The following NFKBIA variants were observed in gnomAD, a reference collection of about 807,000 sequenced individuals.
The protein encoded by NFKBIA is NFKB inhibitor alpha.
A neutral mutation model predicts 36.3 loss-of-function variants in NFKBIA; 10 were observed. The ratio of observed to expected loss-of-function variants is 0.28; its 90% confidence interval spans 0.17 to 0.47. NFKBIA has a LOEUF of 0.47. Among genes scored for constraint, NFKBIA ranks in the 20% least tolerant of loss-of-function variants. The probability of loss-of-function intolerance (pLI) is 0.99; values close to 1 mark genes in which losing one functional copy is unlikely to be tolerated. For missense variants in NFKBIA, 355 were observed against 399.3 expected, an observed-to-expected ratio of 0.89 and a Z score of 0.94; for synonymous variants, 205 against 164.4, an observed-to-expected ratio of 1.25 and a Z score of -1.89.
chr14:35,402,729 C>G (rs1489917705), intron 4 of NFKBIA, 42 bp downstream of exon 4: 4 of 1,613,810 alleles, frequency 2.5e-6, no homozygotes, highest in African/African-American at 1.3e-5. Context: ...AACATAAGCA[C>G]GAGGAGCCTG....
rs2138830594 is a variant in NFKBIA, at chr14:35,402,525, C to T, written c.775G>A (p.Gly259Ser). Residue 259 changes from glycine to serine, a missense_variant, in exon 5 of 6, where the codon GGC becomes AGC. Coordinates refer to ENST00000216797, the MANE Select transcript of NFKBIA (RefSeq NM_020529.3). ...TGCTGTATCCGGGTGCTTGGGCGGC[C>T]CCAGGTGAGCTGGTAGGGAGAATAG... is the stretch of plus-strand genomic sequence containing the variant. ...QGYSPYQLTWGRPSTRIQQQL... is the reference protein window; with the variant it reads ...QGYSPYQLTWSRPSTRIQQQL... The T allele has an allele frequency of 1.2e-6, 2 of 1,614,156 alleles. No individual in the cohort carries two copies. The highest frequency in any genetic ancestry group is 1.7e-6 in the Non-Finnish European group (2 of 1,180,044).
chr14:35,403,052 T>C lies in NFKBIA; in HGVS notation c.547+98A>G, dbSNP rs890562658. On this transcript the variant is annotated intron_variant, in intron 3 of 5. Transcript: ENST00000216797. ...TCTCAACCTTCCAAATGTTAGGAGTTTAAGCTCTTGCCTGGACTCCTTAAG... is the reference window on the plus strand; with the variant it reads ...TCTCAACCTTCCAAATGTTAGGAGTCTAAGCTCTTGCCTGGACTCCTTAAG... 9.2e-6 allele frequency: 13 copies of C among 1,418,424 alleles called. No homozygotes were observed. In the African/African-American group the frequency reaches 1.6e-4, roughly 17 times the overall value. The allele number at this position is 1,418,424 out of a possible 1,614,324, so 87.9% of individuals were successfully genotyped here. A position where few individuals can be genotyped will look rare whatever the true frequency, so the allele number is the denominator to read the frequency against.
rs375907017 is a variant in NFKBIA at position 35,402,009 on chromosome 14, G to A, written c.*4C>T. 2 of 1,613,062 alleles carry A rather than the reference G, an allele frequency of 1.2e-6. No individual in the cohort carries two copies. Among genetic ancestry groups the A allele is most frequent in the African/African-American group, 2.7e-5 (2 of 74,564 alleles). On this transcript the variant is annotated 3_prime_UTR_variant, in exon 6 of 6. Transcript: ENST00000216797. ...AAGTCCATGTTCTTTCAGCCCCTTT[G>A]CGCTCATAACGTCAGACGCTGGCCT... is the stretch of plus-strand genomic sequence containing the variant.
chr14:35,403,484 C>A (rs2052750806), intron 2 of NFKBIA, 124 bp from the exon 3 acceptor site: 1 of 1,098,044 alleles, frequency 9.1e-7, no homozygotes, highest in East Asian at 2.5e-5. Flanking sequence ...GGAGGGCTGG[C>A]AAATAGCAGA....
chr14:35,402,572 A>G lies in NFKBIA; in HGVS notation c.728T>C (p.Val243Ala). The change falls in exon 5 of 6, where the codon GTC becomes GCC. Residue 243 changes from valine (V) to alanine (A), a missense_variant. By Grantham distance (64) the Val-to-Ala change is moderately conservative. Transcript: ENST00000216797. ...ATAGCCCTGGTAGGTAACTCTGTTGACATCAGCCCCACACTTCAACAGGAG... is the reference window on the plus strand; with the variant it reads ...ATAGCCCTGGTAGGTAACTCTGTTGGCATCAGCCCCACACTTCAACAGGAG... ...VSLLLKCGAD[V>A]NRVTYQGYSP... 1 of 1,614,232 alleles carries G rather than the reference A, an allele frequency of 6.2e-7. No individual in the cohort carries two copies. Among genetic ancestry groups the G allele is most frequent in the South Asian group, 1.1e-5 (1 of 91,088 alleles).
intron 5 of NFKBIA, 58 bp from the exon 6 acceptor site, chr14:35,402,118 A>G (rs2052733590): frequency 6.2e-7 from 1 of 1,600,990 alleles, no homozygotes; most frequent in African/African-American, 1.3e-5. Context: ...CTGCCAAGCT[A>G]CCGGGATGGG....
intron 3 of NFKBIA, 100 bp downstream of exon 3, chr14:35,403,050 G>C (rs762176654): frequency 6.4e-6 from 9 of 1,412,034 alleles, no homozygotes; most frequent in Non-Finnish European, 4.9e-6. Flanking sequence ...AATGTTAGGA[G>C]TTTAAGCTCT....
At position 35,402,068 on chromosome 14, in the gene NFKBIA, C is replaced by G. The variant is rs754919537; in HGVS notation, c.907-8G>C. ...ACAGTCATCATAGGGCAGCTGAAAACAAGGGGAAAAAAGACACGTTAAGCT... is the reference window on the plus strand; with the variant it reads ...ACAGTCATCATAGGGCAGCTGAAAAGAAGGGGAAAAAAGACACGTTAAGCT... On this transcript the variant is annotated splice_polypyrimidine_tract_variant and splice_region_variant and intron_variant, in intron 5 of 5. Coordinates refer to ENST00000216797, the MANE Select transcript of NFKBIA (RefSeq NM_020529.3). The G allele has an allele frequency of 1.9e-6, 3 of 1,613,824 alleles. No individual in the cohort carries two copies. The highest frequency in any genetic ancestry group is 2.7e-5 in the African/African-American group (2 of 74,826).
At chr14:35,402,891 C>G in intron 3 of NFKBIA, 32 bp from the exon 4 acceptor site, 5 of 1,579,866 alleles carry the variant, frequency 3.2e-6, no homozygotes, top group Non-Finnish European at 4.3e-6. Context: ...AGTATAACCA[C>G]CTGTTTCAAC....
At chr14:35,404,285 CGGG>C (rs1299919246) in intron 1 of NFKBIA, 130 bp downstream of exon 1, 5 of 550,804 alleles carry the variant, frequency 9.1e-6, no homozygotes, top group Non-Finnish European at 1.4e-5. Context: ...GCAGGAGCCC[CGGG>C]GTGCCGCGGC....
chr14:35,402,189 T>A, intron 5 of NFKBIA, 129 bp from the exon 6 acceptor site: 1 of 1,214,704 alleles, frequency 8.2e-7, no homozygotes, highest in Non-Finnish European at 1.2e-6. Context: ...ATAATGAACT[T>A]TACAGGCTGA....
At chr14:35,402,367 G>T in intron 5 of NFKBIA, 27 bp downstream of exon 5, 1 of 1,613,846 alleles carries the variant, frequency 6.2e-7, no homozygotes, top group South Asian at 1.1e-5. Flanking sequence ...TCATTAGTTA[G>T]AGCGCCGAAG....
chr14:35,401,740 T>C lies in NFKBIA; in HGVS notation c.*273A>G. 1.9e-6 allele frequency: 1 copy of C among 519,698 alleles called. No individual in the cohort carries two copies. The highest frequency in any genetic ancestry group is 3.4e-6 in the Non-Finnish European group (1 of 291,774). The allele number at this position is 519,698 out of a possible 1,614,324, so 32.2% of individuals were successfully genotyped here. A position where few individuals can be genotyped will look rare whatever the true frequency, so the allele number is the denominator to read the frequency against. ...TATAAAATGTGGTCCTTCCATGAAA[T>C]TTTTGATAACCTTCTCCAAAAACCC... is the stretch of plus-strand genomic sequence containing the variant. On this transcript the variant is annotated 3_prime_UTR_variant, in exon 6 of 6. Transcript: ENST00000216797.
Position 35,404,344 on chromosome 14 carries a change from C to T in NFKBIA, c.227+74G>A, listed in dbSNP as rs1410760623. The T allele has an allele frequency of 1.4e-5, 16 of 1,140,786 alleles. No homozygotes were observed. The African/African-American group carries it at 2.4e-4, about 17-fold the overall frequency. 70.7% of individuals were successfully genotyped at this position (1,140,786 alleles called of 1,614,324 possible). On this transcript the variant is annotated intron_variant, in intron 1 of 5. Coordinates refer to ENST00000216797, the MANE Select transcript of NFKBIA (RefSeq NM_020529.3). ...GGTCCCCCGGCTCGGGCTCCAGGCCCGGCGCCTCCCACCCCCAGGCCGCGC... is the reference window on the plus strand; with the variant it reads ...GGTCCCCCGGCTCGGGCTCCAGGCCTGGCGCCTCCCACCCCCAGGCCGCGC...
chr14:35,401,916 A>G lies in NFKBIA; in HGVS notation c.*97T>C. ...CAGTGTGCAGTGTGGATATAAGTAC[A>G]CCCTTTAAATTTTTTCTTCTTTTTT... is the stretch of plus-strand genomic sequence containing the variant. On this transcript the variant is annotated 3_prime_UTR_variant, in exon 6 of 6. Transcript: ENST00000216797. 2 of 1,370,448 alleles carry G rather than the reference A, an allele frequency of 1.5e-6. No individual in the cohort carries two copies. Among genetic ancestry groups the G allele is most frequent in the Non-Finnish European group, 2.1e-6 (2 of 968,222 alleles). The allele number at this position is 1,370,448 out of a possible 1,614,324, so 84.9% of individuals were successfully genotyped here.
At chr14:35,403,008 G>A (rs2052744851) in intron 3 of NFKBIA, 142 bp downstream of exon 3, 5 of 1,219,758 alleles carry the variant, frequency 4.1e-6, no homozygotes, top group Middle Eastern at 2.7e-4. Flanking sequence ...CATCCAATAG[G>A]CACTTTGCAC....
chr14:35,404,015 C>A, intron 1 of NFKBIA: 1 of 577,940 alleles, frequency 1.7e-6, no homozygotes. Context: ...GGCCAGACCG[C>A]CCCGCCCTCC....
In NFKBIA at chr14:35,401,954, A is replaced by G. The variant is rs992399486; in HGVS notation, c.*59T>C. ...TTTCTTCTTTTTTCTTTTTTTAGAA[A>G]AATAAAACTTTTTTTTTGTACAAAT... On this transcript the variant is annotated 3_prime_UTR_variant, in exon 6 of 6. Transcript: ENST00000216797. 4 of 1,596,228 alleles carry G rather than the reference A, an allele frequency of 2.5e-6. No individual in the cohort carries two copies. The highest frequency in any genetic ancestry group is 2.7e-5 in the African/African-American group (2 of 74,290).
chr14:35,402,167 C>T, intron 5 of NFKBIA, 107 bp from the exon 6 acceptor site: 1 of 1,371,298 alleles, frequency 7.3e-7, no homozygotes, highest in Non-Finnish European at 1.0e-6. Context: ...CTCCATTCTC[C>T]ATAGCCCAAA....
Sources: gnomAD v4.1 joint callset for allele counts on GRCh38, gnomAD v4.1.1 for gene constraint, MANE v1.5 for transcripts, NCBI Gene and HGNC (gene_info 2026-07-23, HGNC 2026-07-21) for gene names.